The following KDM3A variants were observed in gnomAD, a reference collection of about 807,000 sequenced individuals.
KDM3A encodes the protein lysine demethylase 3A.
Under a neutral mutation model 158.0 loss-of-function variants are expected in KDM3A, and 60 were observed. That is an observed-to-expected ratio of 0.38 (90% confidence interval 0.31 to 0.47). KDM3A has a LOEUF of 0.47. KDM3A is among the 20% of genes least tolerant of loss of function. The pLI, the probability that KDM3A is intolerant of heterozygous loss-of-function variation, is 0.99. For synonymous variants in KDM3A, 608 were observed against 549.3 expected, an observed-to-expected ratio of 1.11 and a Z score of -1.49; for missense variants, 1,319 against 1,574.3, an observed-to-expected ratio of 0.84 and a Z score of 2.74.
At position 86,471,313 on chromosome 2, in the gene KDM3A, ATGTGTATATG is replaced by A. The variant is rs1414244391; in HGVS notation, c.1724+909_1724+918del. ...TGTATATATGTGTGTATGTGTATAT[ATGTGTATATG>A]TGTATGTGTGTATATATGTATATAT... is the stretch of plus-strand genomic sequence containing the variant. On this transcript the variant is annotated intron_variant, in intron 11 of 25. Coordinates refer to ENST00000312912, the MANE Select transcript of KDM3A (RefSeq NM_018433.6). Among the ~76,000 whole-genome samples the A allele has an allele frequency of 5.3e-5, 8 of 151,326 alleles. No homozygotes were observed. The East Asian group carries it at 1.4e-3, about 26-fold the overall frequency.
intron 4 of KDM3A, among the ~76,000 whole-genome samples, chr2:86,453,496 A>G (rs1672556845): frequency 6.6e-6 from 1 of 152,200 alleles, no homozygotes; most frequent in Non-Finnish European, 1.5e-5. Flanking sequence ...TGTTGGTAAG[A>G]AAAAGATAAG....
At chr2:86,461,470 C>T (rs923534188) in intron 8 of KDM3A, among the ~76,000 whole-genome samples, 2 of 152,176 alleles carry the variant, frequency 1.3e-5, no homozygotes, top group Admixed American at 1.3e-4. Flanking sequence ...TTGGTATGTT[C>T]ATTCCACCAG....
intron 15 of KDM3A, 187 bp downstream of exon 15, chr2:86,478,922 T>A: frequency 1.8e-6 from 1 of 559,740 alleles, no homozygotes; most frequent in Non-Finnish European, 3.1e-6. Flanking sequence ...CTTTTCACAT[T>A]ACTTTCGTAG....
chr2:86,452,613 A>C (rs907681744), intron 4 of KDM3A, among the ~76,000 whole-genome samples: 2 of 152,180 alleles, frequency 1.3e-5, no homozygotes, highest in African/African-American at 4.8e-5. Context: ...TATCATTTAT[A>C]AAGCTGAATA....
intron 2 of KDM3A, among the ~76,000 whole-genome samples, chr2:86,447,744 C>G (rs919389072): frequency 6.6e-6 from 1 of 152,174 alleles, no homozygotes; most frequent in African/African-American, 2.4e-5. Context: ...CCTTTGTAAT[C>G]ATAAGTATTT....
At chr2:86,474,701 TTGTGTGTGTGTGTGTGTGTGTGTG>T in intron 11 of KDM3A, 51 bp from the exon 12 acceptor site, 2 of 426,992 alleles carry the variant, frequency 4.7e-6, no homozygotes, top group Non-Finnish European at 8.3e-6. Flanking sequence ...TGTAAATAAG[TTGTGTGTGTGTGTGTGTGTGTGTG>T]TGTGTGTGTG....
intron 8 of KDM3A, among the ~76,000 whole-genome samples, chr2:86,462,935 C>T (rs1056494004): frequency 6.6e-6 from 1 of 151,932 alleles, no homozygotes; most frequent in African/African-American, 2.4e-5. Flanking sequence ...ACTAAAAACA[C>T]GAAAAACTAG....
chr2:86,484,949 G>A lies in KDM3A; in HGVS notation c.3102G>A (p.Leu1034=). The stretch of plus-strand genomic sequence containing the variant: ...ATTCTGTTTACCTTTCAGATCGTTT[G>A]AAAAATGAAAAAGAACCAATGGTGT... ...WDGFEDVPNR[L]KNEKEPMVLK... is the part of the protein sequence containing the mutation. Residue 1034 remains leucine (L), a synonymous_variant, in exon 20 of 26, where the codon TTG becomes TTA. Transcript: ENST00000312912. 6.2e-7 allele frequency: 1 copy of A among 1,600,482 alleles called. No homozygotes were observed. The highest frequency in any genetic ancestry group is 8.6e-7 in the Non-Finnish European group (1 of 1,168,058).
At chr2:86,462,676 A>T (rs1002274516) in intron 8 of KDM3A, among the ~76,000 whole-genome samples, 1 of 152,226 alleles carries the variant, frequency 6.6e-6, no homozygotes, top group African/African-American at 2.4e-5. Context: ...GCCAGTGATT[A>T]AATTCTTATT....
At chr2:86,474,553 C>T (rs1673563843) in intron 11 of KDM3A, among the ~76,000 whole-genome samples, 2 of 151,018 alleles carry the variant, frequency 1.3e-5, no homozygotes, top group Non-Finnish European at 2.9e-5. Context: ...ATCCCAGCTA[C>T]GGGGGAAGCT....
At chr2:86,491,562 C>T in intron 25 of KDM3A, 1 of 420,584 alleles carries the variant, frequency 2.4e-6, no homozygotes, top group Non-Finnish European at 4.3e-6. Flanking sequence ...GATCTTGGCC[C>T]AGCTGCCTGT....
At chr2:86,469,549 G>A (rs996758538) in intron 10 of KDM3A, among the ~76,000 whole-genome samples, 1 of 152,108 alleles carries the variant, frequency 6.6e-6, no homozygotes, top group Admixed American at 6.5e-5. Flanking sequence ...CCTATTACAA[G>A]TTAAAACATA....
At chr2:86,438,783 C>T (rs1477575983), upstream of KDM3A, among the ~76,000 whole-genome samples, 1 of 151,944 alleles carries the variant, frequency 6.6e-6, no homozygotes, top group Non-Finnish European at 1.5e-5. Flanking sequence ...CCATATTTAA[C>T]AGAACATATA....
At chr2:86,486,733 G>GAGGGA (rs925489014) in intron 21 of KDM3A, among the ~76,000 whole-genome samples, 7 of 152,186 alleles carry the variant, frequency 4.6e-5, no homozygotes, top group Non-Finnish European at 1.0e-4. Flanking sequence ...ACTGTTGGGG[G>GAGGGA]AGGGAAGGGA....
chr2:86,466,527 G>A lies in KDM3A; in HGVS notation c.1163G>A (p.Gly388Asp), dbSNP rs781337683. Residue 388 changes from glycine (G) to aspartate (D), a missense_variant, in exon 10 of 26, where the codon GGC (glycine) becomes GAC (aspartate). Gly to Asp is a moderately conservative substitution (Grantham distance 94). This residue lies in a region of KDM3A where 652 missense variants were observed against 627.2 expected (regional missense o/e 1.04). Transcript: ENST00000312912. ...TTGAAAATTCTGACTGAGCCAAAAGGCAGCTGTACTCAGCCTAAGACAAAC... is the reference window on the plus strand; with the variant it reads ...TTGAAAATTCTGACTGAGCCAAAAGACAGCTGTACTCAGCCTAAGACAAAC... ...GDLKILTEPK[G>D]SCTQPKTNTD... is the part of the protein sequence containing the mutation. 1 of 1,613,934 alleles carries A rather than the reference G, an allele frequency of 6.2e-7. No homozygotes were observed. The highest frequency in any genetic ancestry group is 1.1e-5 in the South Asian group (1 of 91,080).
Position 86,480,337 on chromosome 2 carries a change from C to T in KDM3A, c.2487C>T (p.Ser829=), listed in dbSNP as rs752669542. 37 of 1,612,664 alleles carry T rather than the reference C, an allele frequency of 2.3e-5. No individual in the cohort carries two copies. Among genetic ancestry groups the T allele is most frequent in the Admixed American group, 3.3e-5 (2 of 59,800 alleles). The change falls in exon 16 of 26, where the codon AGC becomes AGT. Residue 829 remains serine, a synonymous_variant. Coordinates refer to ENST00000312912, the MANE Select transcript of KDM3A (RefSeq NM_018433.6). ...TAAACTGGCTGGCCGACCTAACCAGCGGGAATGTCAACAAGGAAAACAAGG... is the reference window on the plus strand; with the variant it reads ...TAAACTGGCTGGCCGACCTAACCAGTGGGAATGTCAACAAGGAAAACAAGG... ...SPLNWLADLT[S]GNVNKENKEK...
chr2:86,445,254 T>C (rs1046870502), intron 2 of KDM3A, among the ~76,000 whole-genome samples: 2 of 152,258 alleles, frequency 1.3e-5, no homozygotes, highest in African/African-American at 4.8e-5. Flanking sequence ...TTATTACCTC[T>C]CCTATGGAGA....
At chr2:86,489,458 G>A in intron 22 of KDM3A, 21 bp downstream of exon 22, 1 of 1,613,134 alleles carries the variant, frequency 6.2e-7, no homozygotes, top group Non-Finnish European at 8.5e-7. Flanking sequence ...GAGCATAAAA[G>A]GAGGGCTTAC....
chr2:86,480,186 A>C lies in KDM3A; in HGVS notation c.2336A>C (p.Lys779Thr), dbSNP rs772498271. The change falls in exon 16 of 26, where the codon AAA becomes ACA. Residue 779 changes from lysine to threonine, a missense_variant. Lys to Thr is a moderately conservative substitution (Grantham distance 78). This residue lies in a region of KDM3A where 368 missense variants were observed against 415.8 expected (regional missense o/e 0.89). Coordinates refer to ENST00000312912, the MANE Select transcript of KDM3A (RefSeq NM_018433.6). ...DLKQTSLAGE[K>T]PTLGAVLQQN... ...ACACAGACTTCTTTAGCTGGAGAAA[A>C]ACCGACTCTTGGTGCAGTGCTCCAG... 6.2e-7 allele frequency: 1 copy of C among 1,612,850 alleles called. No individual in the cohort carries two copies. Among genetic ancestry groups the C allele is most frequent in the Non-Finnish European group, 8.5e-7 (1 of 1,179,982 alleles).
Sources: gnomAD v4.1 joint callset for allele counts (sites outside exome capture counted in the v4.1 genomes callset) on GRCh38, gnomAD v4.1.1 for gene constraint, gnomAD v4.1.1 regional missense constraint, MANE v1.5 for transcripts, NCBI Gene and HGNC (gene_info 2026-07-23, HGNC 2026-07-21) for gene names.